Variants in RELN observed in about 807,000 individuals in gnomAD.
RELN encodes reelin.
In RELN, 108 loss-of-function variants were observed where a neutral mutation model predicts 427.6. The observed-to-expected ratio is 0.25, with a 90% confidence interval of 0.22 to 0.30. The LOEUF is 0.30. RELN is among the 10% of genes least tolerant of loss of function. The probability of loss-of-function intolerance (pLI) is 1.00; values close to 1 mark genes in which losing one functional copy is unlikely to be tolerated. For missense variants in RELN, 3,715 were observed against 4,302.8 expected (o/e 0.86, Z 3.82); for synonymous variants, 1,524 against 1,513.4 (o/e 1.01, Z -0.16).
At chr7:103,784,155 T>C (rs1400061463) in intron 3 of RELN, among the ~76,000 whole-genome samples, 6 of 152,090 alleles carry the variant, frequency 3.9e-5, no homozygotes, top group Non-Finnish European at 1.5e-5. Context: ...TTCTCATGAT[T>C]ATCACAAAGT....
rs552486401 is a variant in RELN, at chr7:103,968,667, A to G, written c.226+20464T>C. ...AAGCTATTTCTGCAACTTATTTGCAACTAAAGAAAAGAGGCATTAGATTAT... is the reference window on the plus strand; with the variant it reads ...AAGCTATTTCTGCAACTTATTTGCAGCTAAAGAAAAGAGGCATTAGATTAT... On this transcript the variant is annotated intron_variant, in intron 1 of 64. Coordinates refer to ENST00000428762, the MANE Select transcript of RELN (RefSeq NM_005045.4). The surrounding 1 kb of genome is among the most constrained non-coding windows in gnomAD (Gnocchi z 4.3). Among the ~76,000 whole-genome samples the G allele has an allele frequency of 5.3e-5, 8 of 152,302 alleles. No individual in the cohort carries two copies. The South Asian group carries it at 1.7e-3, about 32-fold the overall frequency.
At chr7:103,556,868 G>A in intron 38 of RELN, 109 bp downstream of exon 38, 2 of 896,832 alleles carry the variant, frequency 2.2e-6, no homozygotes, top group Non-Finnish European at 3.8e-6. Flanking sequence ...TGTGTGTGCT[G>A]TGGACAGCTA....
At chr7:103,798,121 G>A (rs939267043) in intron 3 of RELN, among the ~76,000 whole-genome samples, 4 of 152,188 alleles carry the variant, frequency 2.6e-5, no homozygotes, top group African/African-American at 4.8e-5. Context: ...GCCCTGGACA[G>A]TACTACTCAC....
Position 103,953,037 on chromosome 7 carries a change from G to A in RELN, c.227-35852C>T, listed in dbSNP as rs1796364495. Among the ~76,000 whole-genome samples the A allele has an allele frequency of 6.6e-6, 1 of 151,992 alleles. No homozygotes were observed. The highest frequency in any genetic ancestry group is 2.4e-5 in the African/African-American group (1 of 41,358). On this transcript the variant is annotated intron_variant, in intron 1 of 64. Transcript: ENST00000428762. The surrounding 1 kb of genome is among the most constrained non-coding windows in gnomAD (Gnocchi z 4.3). ...CACTACTGCATTCACCTCCCAATGT[G>A]CCTTATGATGGTGACTAGCCACCAA...
intron 4 of RELN, among the ~76,000 whole-genome samples, chr7:103,756,597 G>A (rs1228644073): frequency 6.6e-6 from 1 of 152,058 alleles, no homozygotes; most frequent in Non-Finnish European, 1.5e-5. Flanking sequence ...GAAAATAATT[G>A]AAGATCCAAA....
chr7:103,629,878 G>A, intron 20 of RELN, 62 bp downstream of exon 20: 2 of 1,031,878 alleles, frequency 1.9e-6, no homozygotes, highest in South Asian at 2.5e-5. Context: ...TAGACTGGAA[G>A]ATCATCCTCA....
In RELN at chr7:103,472,800, C is replaced by A; in HGVS notation, c.*12G>T. On this transcript the variant is annotated 3_prime_UTR_variant, in exon 65 of 65. Coordinates refer to ENST00000428762, the MANE Select transcript of RELN (RefSeq NM_005045.4). ...CACATGTTGGAAGAAAAAAAATAAA[C>A]TTTTTGATTCTTCATGGGTATCGCC... The A allele has an allele frequency of 1.9e-6, 3 of 1,603,088 alleles. No homozygotes were observed. The highest frequency in any genetic ancestry group is 2.6e-6 in the Non-Finnish European group (3 of 1,170,094).
At chr7:103,867,773 G>C (rs991902347) in intron 2 of RELN, among the ~76,000 whole-genome samples, 3 of 151,860 alleles carry the variant, frequency 2.0e-5, no homozygotes, top group African/African-American at 7.3e-5. Context: ...CATACAAGTG[G>C]ATATACTCTT....
rs200189547 is a variant in RELN at position 103,589,577 on chromosome 7, T to C, written c.4145+19A>G. ...TGTCTTTCTTAATGGCCCAAACCCATTAAGAATGATTACTTTACCTGGATG... is the reference window on the plus strand; with the variant it reads ...TGTCTTTCTTAATGGCCCAAACCCACTAAGAATGATTACTTTACCTGGATG... On this transcript the variant is annotated intron_variant, in intron 28 of 64. Transcript: ENST00000428762. The C allele has an allele frequency of 1.9e-4, 296 of 1,541,434 alleles. No homozygotes were observed. The East Asian group carries it at 5.0e-3, about 26-fold the overall frequency.
intron 10 of RELN, among the ~76,000 whole-genome samples, chr7:103,692,445 T>C (rs576613042): frequency 4.6e-5 from 7 of 152,108 alleles, no homozygotes; most frequent in Non-Finnish European, 7.4e-5. Context: ...CCTCTTCTTC[T>C]TCTTCCAGAT....
intron 4 of RELN, among the ~76,000 whole-genome samples, chr7:103,761,155 T>A (rs1219383279): frequency 6.6e-6 from 1 of 152,226 alleles, no homozygotes; most frequent in African/African-American, 2.4e-5. Context: ...AAACAATTTA[T>A]CATCTTTCAT....
At chr7:103,734,303 C>T (rs377248429) in intron 6 of RELN, among the ~76,000 whole-genome samples, 11 of 152,218 alleles carry the variant, frequency 7.2e-5, no homozygotes, top group African/African-American at 2.2e-4. Flanking sequence ...ACCTCTCAAC[C>T]TAAGGATCAG....
intron 1 of RELN, among the ~76,000 whole-genome samples, chr7:103,946,182 A>G (rs1051245001): frequency 6.6e-6 from 1 of 152,230 alleles, no homozygotes; most frequent in African/African-American, 2.4e-5. Flanking sequence ...TAATGATAGT[A>G]GAACACCTAA....
chr7:103,948,859 C>T (rs1018598547), intron 1 of RELN, among the ~76,000 whole-genome samples: 1 of 150,570 alleles, frequency 6.6e-6, no homozygotes, highest in Non-Finnish European at 1.5e-5. Context: ...ACTAAAAATA[C>T]AAAAAATTAG....
At position 103,639,930 on chromosome 7, in the gene RELN, T is replaced by C. The variant is rs544043938; in HGVS notation, c.2069+613A>G. ...ATGACATAATAAATGTGAATATCCA[T>C]TTTTTGGTATAAACATAAAATAATT... On this transcript the variant is annotated intron_variant, in intron 17 of 64. Coordinates refer to ENST00000428762, the MANE Select transcript of RELN (RefSeq NM_005045.4). 4.2e-4 allele frequency among the ~76,000 whole-genome samples: 64 copies of C among 152,304 alleles called. 1 individual carries two copies. The highest frequency in any genetic ancestry group is 5.0e-4 in the Non-Finnish European group (34 of 68,022).
Position 103,626,497 on chromosome 7 carries a change from T to C in RELN, c.2702+3443A>G, listed in dbSNP as rs894774711. 2.0e-5 allele frequency among the ~76,000 whole-genome samples: 3 copies of C among 152,058 alleles called. No individual in the cohort carries two copies. The highest frequency in any genetic ancestry group is 4.4e-5 in the Non-Finnish European group (3 of 67,958). On this transcript the variant is annotated intron_variant, in intron 20 of 64. Coordinates refer to ENST00000428762, the MANE Select transcript of RELN (RefSeq NM_005045.4). The surrounding 1 kb of genome is among the most constrained non-coding windows in gnomAD (Gnocchi z 4.4). Reference sequence around the variant, plus strand: ...TCCCAAATAGCTGGGATTACAGGCATGTGTCACCACGCTCGGCTAGTTTGT... The same window carrying C: ...TCCCAAATAGCTGGGATTACAGGCACGTGTCACCACGCTCGGCTAGTTTGT...
chr7:103,765,286 C>G lies in RELN; in HGVS notation c.544+11271G>C, dbSNP rs192649180. On this transcript the variant is annotated intron_variant, in intron 4 of 64. Transcript: ENST00000428762. ...AGGAGATGAGAGGAACACCATTCCA[C>G]TAAGTTTACATTTTTCTGCAAATGT... 1.0e-3 allele frequency among the ~76,000 whole-genome samples: 154 copies of G among 152,300 alleles called. 1 individual carries two copies. Among genetic ancestry groups the G allele is most frequent in the African/African-American group, 3.5e-3 (146 of 41,572 alleles).
intron 4 of RELN, among the ~76,000 whole-genome samples, chr7:103,760,142 A>G (rs1228379686): frequency 6.6e-6 from 1 of 151,912 alleles, no homozygotes; most frequent in Admixed American, 6.6e-5. Flanking sequence ...GCCTTTCAAA[A>G]TAAATATTAT....
intron 11 of RELN, among the ~76,000 whole-genome samples, chr7:103,680,750 A>T (rs893732431): frequency 6.6e-6 from 1 of 151,856 alleles, no homozygotes; most frequent in African/African-American, 2.4e-5. Flanking sequence ...CTAAAATGAG[A>T]AACAGTGGTT....
Sources: gnomAD v4.1 joint callset for allele counts (sites outside exome capture counted in the v4.1 genomes callset) on GRCh38, gnomAD v4.1.1 for gene constraint, Gnocchi (gnomAD v3.1) non-coding constraint, MANE v1.5 for transcripts, NCBI Gene and HGNC (gene_info 2026-07-23, HGNC 2026-07-21) for gene names.